HMCN2: variants seen among roughly 807,000 people sequenced by gnomAD.
HMCN2 encodes the protein hemicentin 2, also known as hemicentin-2.
HMCN2 carries 325 observed loss-of-function variants against 377.5 expected under a neutral mutation model. The observed-to-expected ratio is 0.86, with a 90% CI of 0.79 to 0.94. The LOEUF (loss-of-function observed/expected upper bound fraction) is 0.94. Ranked by LOEUF, HMCN2 falls within the 40% of genes least tolerant of loss-of-function variation. The pLI is 0.00. For missense variants in HMCN2, 4,543 were observed against 4,725.3 expected (o/e 0.96, Z 1.13); for synonymous variants, 2,007 against 2,046.8 (o/e 0.98, Z 0.53).
chr9:130,429,423 C>A, intron 93 of HMCN2, 134 bp from the exon 94 acceptor site: 1 of 1,125,944 alleles, frequency 8.9e-7, no homozygotes, highest in Non-Finnish European at 1.3e-6. Context: ...TGAGGGCGGC[C>A]ATGCAGCCTG....
At chr9:130,314,992 C>A (rs1837453846) in intron 15 of HMCN2, among the ~76,000 whole-genome samples, 1 of 151,890 alleles carries the variant, frequency 6.6e-6, no homozygotes, top group East Asian at 2.0e-4. Flanking sequence ...CCACCTCTGT[C>A]ATCTGACTTC....
At chr9:130,346,344 A>G (rs904299401) in intron 25 of HMCN2, among the ~76,000 whole-genome samples, 8 of 152,130 alleles carry the variant, frequency 5.3e-5, no homozygotes, top group Non-Finnish European at 1.2e-4. Context: ...CGTGAATGAA[A>G]GCTCCACTCC....
rs981079698 is a variant in HMCN2, at chr9:130,394,993, C to G, written c.10693-34C>G. 8.1e-7 allele frequency: 1 copy of G among 1,240,604 alleles called. No homozygotes were observed. Among genetic ancestry groups the G allele is most frequent in the African/African-American group, 1.5e-5 (1 of 64,868 alleles). The allele number at this position is 1,240,604 out of a possible 1,614,324, so 76.8% of individuals were successfully genotyped here. A position where few individuals can be genotyped will look rare whatever the true frequency, so the allele number is the denominator to read the frequency against. Reference sequence around the variant, plus strand: ...AGATTGGGAGGCGGGCAGAGAGGGGCCAGGGGCAGCTGCTCAACCCGCTCC... The same window carrying G: ...AGATTGGGAGGCGGGCAGAGAGGGGGCAGGGGCAGCTGCTCAACCCGCTCC... On this transcript the variant is annotated intron_variant, in intron 69 of 97. Transcript: ENST00000683500. The surrounding 1 kb of genome is among the most constrained non-coding windows in gnomAD (Gnocchi z 5.1).
chr9:130,379,155 G>A (rs1204833916), intron 53 of HMCN2, 94 bp from the exon 54 acceptor site: 5 of 297,598 alleles, frequency 1.7e-5, no homozygotes, highest in Non-Finnish European at 2.5e-5. Flanking sequence ...ATGGATTTCC[G>A]CTTGGGAGAG....
Position 130,393,343 on chromosome 9 carries a change from G to A in HMCN2, c.10234+34G>A. 3 of 988,192 alleles carry A rather than the reference G, an allele frequency of 3.0e-6. No individual in the cohort carries two copies. Among genetic ancestry groups the A allele is most frequent in the Non-Finnish European group, 3.6e-6 (3 of 829,020 alleles). 61.2% of individuals were successfully genotyped at this position (988,192 alleles called of 1,614,324 possible). A position where few individuals can be genotyped will look rare whatever the true frequency, so the allele number is the denominator to read the frequency against. ...CAGGGGGTGGGGCAAGGGGGTCTCT[G>A]GCCTTGGTGGGTGAGAATCAAGGCC... On this transcript the variant is annotated intron_variant, in intron 67 of 97. Transcript: ENST00000683500. This position sits in a 1 kb window ranked among gnomAD's most constrained non-coding sequence, Gnocchi z 5.2.
intron 4 of HMCN2, among the ~76,000 whole-genome samples, chr9:130,293,661 C>T (rs1479050506): frequency 6.6e-6 from 1 of 152,014 alleles, no homozygotes; most frequent in Non-Finnish European, 1.5e-5. Context: ...AGATGCATGT[C>T]CTACTGAACT....
chr9:130,337,095 A>G (rs1308192556), intron 22 of HMCN2, among the ~76,000 whole-genome samples: 5 of 151,966 alleles, frequency 3.3e-5, no homozygotes, highest in Non-Finnish European at 5.9e-5. Context: ...TGTCCTCCCT[A>G]TTTTATGGAG....
At chr9:130,333,690 C>T (rs1838555601) in intron 22 of HMCN2, among the ~76,000 whole-genome samples, 1 of 152,236 alleles carries the variant, frequency 6.6e-6, no homozygotes, top group Non-Finnish European at 1.5e-5. Context: ...GCCGCCTCCC[C>T]TTCCCTGCTG....
At position 130,428,548 on chromosome 9, in the gene HMCN2, G is replaced by A. The variant is rs1844532990; in HGVS notation, c.14197+59G>A. On this transcript the variant is annotated intron_variant, in intron 93 of 97. Transcript: ENST00000683500. The surrounding 1 kb of genome is among the most constrained non-coding windows in gnomAD (Gnocchi z 5.0). ...TCCTGGAAACCCAGAGGTTGCCAGG[G>A]ATCAGCTGACAGGGGGCTGTGTGTC... is the stretch of plus-strand genomic sequence containing the variant. 6.6e-7 allele frequency: 1 copy of A among 1,526,246 alleles called. No individual in the cohort carries two copies. Among genetic ancestry groups the A allele is most frequent in the Admixed American group, 2.0e-5 (1 of 50,676 alleles). 94.5% of individuals were successfully genotyped at this position (1,526,246 alleles called of 1,614,324 possible). A position where few individuals can be genotyped will look rare whatever the true frequency, so the allele number is the denominator to read the frequency against.
At chr9:130,278,644 A>G (rs1343771699) in intron 1 of HMCN2, among the ~76,000 whole-genome samples, 1 of 150,510 alleles carries the variant, frequency 6.6e-6, no homozygotes, top group Non-Finnish European at 1.5e-5. Flanking sequence ...GTACAATGGC[A>G]CGATCTCGGC....
chr9:130,371,344 G>A (rs989093926), intron 46 of HMCN2, among the ~76,000 whole-genome samples: 2 of 151,174 alleles, frequency 1.3e-5, no homozygotes, highest in Non-Finnish European at 2.9e-5. Flanking sequence ...TTTGGAAAAG[G>A]CTTCCTGCTC....
At position 130,269,663 on chromosome 9, in the gene HMCN2, G is replaced by A. The variant is rs997047412; in HGVS notation, c.259+3526G>A. ...GTGAGGTTCAATATGTCTTTCAAGC[G>A]TTCACTAGATATTTTTGGTATGAAT... is the stretch of plus-strand genomic sequence containing the variant. On this transcript the variant is annotated intron_variant, in intron 1 of 97. Transcript: ENST00000683500. Among the ~76,000 whole-genome samples, 6 of 148,546 alleles carry A rather than the reference G, an allele frequency of 4.0e-5. 1 individual carries two copies. In the East Asian group the frequency reaches 5.8e-4, roughly 14 times the overall value.
chr9:130,292,079 T>G (rs1419024726), intron 4 of HMCN2, among the ~76,000 whole-genome samples: 5 of 152,148 alleles, frequency 3.3e-5, no homozygotes, highest in African/African-American at 4.8e-5. Flanking sequence ...AAGGTCTGAT[T>G]TGATGAAGGC....
At position 130,347,943 on chromosome 9, in the gene HMCN2, T is replaced by C. The variant is rs28972700; in HGVS notation, c.4024+583T>C. ...TCCGGGTTAAAACTGTTACCCCTGG[T>C]CTCTTCTCACATTCTTGTCCTCAGC... On this transcript the variant is annotated intron_variant, in intron 26 of 97. Coordinates refer to ENST00000683500, the MANE Select transcript of HMCN2 (RefSeq NM_001291815.2). The surrounding 1 kb of genome is among the most constrained non-coding windows in gnomAD (Gnocchi z 5.1). 94,167 of 960,256 alleles carry C rather than the reference T, an allele frequency of 0.098. 4,804 individuals carry two copies. The highest frequency in any genetic ancestry group is 0.19 in the East Asian group (1,646 of 8,626). The allele number at this position is 960,256 out of a possible 1,614,324, so 59.5% of individuals were successfully genotyped here.
In HMCN2 at chr9:130,347,733, T is replaced by C. The variant is rs1427326113; in HGVS notation, c.4024+373T>C. On this transcript the variant is annotated intron_variant, in intron 26 of 97. Coordinates refer to ENST00000683500, the MANE Select transcript of HMCN2 (RefSeq NM_001291815.2). This position sits in a 1 kb window ranked among gnomAD's most constrained non-coding sequence, Gnocchi z 5.1. Reference sequence around the variant, plus strand: ...GTGAAGGCATTTTAAAATGACCCCTTGGCTGGGCATGGTGGCTTGCACCTG... The same window carrying C: ...GTGAAGGCATTTTAAAATGACCCCTCGGCTGGGCATGGTGGCTTGCACCTG... 2.0e-5 allele frequency among the ~76,000 whole-genome samples: 3 copies of C among 152,096 alleles called. No individual in the cohort carries two copies. Among genetic ancestry groups the C allele is most frequent in the Non-Finnish European group, 4.4e-5 (3 of 67,994 alleles).
At chr9:130,281,339 G>A (rs1157845110) in intron 1 of HMCN2, among the ~76,000 whole-genome samples, 4 of 151,748 alleles carry the variant, frequency 2.6e-5, no homozygotes, top group Non-Finnish European at 5.9e-5. Flanking sequence ...GGTAAGACTT[G>A]GACGCCAGCA....
chr9:130,399,617 C>T lies in HMCN2; in HGVS notation c.11590C>T (p.Gln3864Ter). The T allele has an allele frequency of 7.8e-7, 1 of 1,289,818 alleles. No individual in the cohort carries two copies. The highest frequency in any genetic ancestry group is 1.0e-6 in the Non-Finnish European group (1 of 988,760). The allele number at this position is 1,289,818 out of a possible 1,614,324, so 79.9% of individuals were successfully genotyped here. A position where few individuals can be genotyped will look rare whatever the true frequency, so the allele number is the denominator to read the frequency against. The change falls in exon 76 of 98, where the codon CAG (glutamine) becomes TAG (stop). Residue 3864 changes from glutamine (Q) to a stop codon, truncating the protein, a stop_gained. Coordinates refer to ENST00000683500, the MANE Select transcript of HMCN2 (RefSeq NM_001291815.2). LOFTEE classifies it high-confidence loss of function. ...NEVGEAHRLY[Q>*]VTVHVPPTIA... ...GGTGGGCGAGGCCCACAGGCTCTAC[C>T]AGGTGACCGTCCATGGTGAGTCGGG...
intron 16 of HMCN2, among the ~76,000 whole-genome samples, chr9:130,320,014 T>C (rs1837762464): frequency 6.6e-6 from 1 of 152,192 alleles, no homozygotes; most frequent in Non-Finnish European, 1.5e-5. Flanking sequence ...TATAAGCTAC[T>C]ATGATTACCA....
chr9:130,349,475 G>T (rs562785042), intron 28 of HMCN2, 62 bp from the exon 29 acceptor site: 1 of 1,282,612 alleles, frequency 7.8e-7, no homozygotes, highest in Non-Finnish European at 1.0e-6. Flanking sequence ...CAAAGGCCCC[G>T]TGGTAGGCGG....
Sources: gnomAD v4.1 joint callset for allele counts (sites outside exome capture counted in the v4.1 genomes callset) on GRCh38, gnomAD v4.1.1 for gene constraint, Gnocchi (gnomAD v3.1) non-coding constraint, MANE v1.5 for transcripts, NCBI Gene and HGNC (gene_info 2026-07-23, HGNC 2026-07-21) for gene names.